Variants in HPSE2 observed in about 807,000 individuals in gnomAD.
The protein encoded by HPSE2 is inactive heparanase-2.
HPSE2 carries 38 observed loss-of-function variants against 60.5 expected under a neutral mutation model. That is an observed-to-expected ratio of 0.63 (90% CI 0.48 to 0.82). The LOEUF (loss-of-function observed/expected upper bound fraction) is 0.82. Ranked by LOEUF, HPSE2 falls within the 40% of genes least tolerant of loss-of-function variation. HPSE2 has a pLI of 0.00. For missense variants in HPSE2, 713 were observed against 740.4 expected (o/e 0.96, Z 0.43); for synonymous variants, 295 against 293.2 (o/e 1.01, Z -0.06).
chr10:98,832,011 C>T (rs879167398), intron 3 of HPSE2, among the ~76,000 whole-genome samples: 3 of 152,136 alleles, frequency 2.0e-5, no homozygotes, highest in Admixed American at 1.3e-4. Flanking sequence ...GTTTGGGGAC[C>T]TCTGTTTCTC....
chr10:99,274,829 A>T, the HPSE2 span, among the ~76,000 whole-genome samples: 1 of 152,256 alleles, frequency 6.6e-6, no homozygotes, highest in Non-Finnish European at 1.5e-5. Context: ...GGAAGTTTTC[A>T]TATAGCATAA....
chr10:99,281,899 T>A, the HPSE2 span, among the ~76,000 whole-genome samples: 2 of 151,896 alleles, frequency 1.3e-5, no homozygotes, highest in Non-Finnish European at 2.9e-5. Context: ...ATGCAAACAG[T>A]AACCAAAAGA....
intron 1 of HPSE2, 130 bp downstream of exon 1, chr10:99,235,383 A>C: frequency 1.2e-6 from 1 of 864,582 alleles, no homozygotes; most frequent in African/African-American, 1.7e-5. Context: ...GAGAAGGAAA[A>C]CCTCTTTTCT....
intron 3 of HPSE2, among the ~76,000 whole-genome samples, chr10:98,960,739 T>A (rs1206310220): frequency 0.015 from 656 of 42,590 alleles, 12 homozygotes; most frequent in African/African-American, 0.07. Flanking sequence ...TTTTTTATTT[T>A]ATTTTTTTTT....
chr10:98,654,945 T>C (rs1315165410), intron 6 of HPSE2, among the ~76,000 whole-genome samples: 1 of 152,174 alleles, frequency 6.6e-6, no homozygotes, highest in Non-Finnish European at 1.5e-5. Context: ...CTTTAGGCTT[T>C]CCTAGTTACT....
At chr10:99,305,133 G>C in the HPSE2 span, among the ~76,000 whole-genome samples, 1 of 152,196 alleles carries the variant, frequency 6.6e-6, no homozygotes, top group African/African-American at 2.4e-5. Flanking sequence ...CTGAAAAATA[G>C]AGAAACTGGT....
intron 6 of HPSE2, among the ~76,000 whole-genome samples, chr10:98,663,046 A>G (rs1947266338): frequency 6.6e-6 from 1 of 152,226 alleles, no homozygotes; most frequent in South Asian, 2.1e-4. Context: ...AGTAAGACTT[A>G]ATATGGGTCA....
chr10:98,844,233 C>T (rs1437469328), intron 3 of HPSE2, among the ~76,000 whole-genome samples: 1 of 152,144 alleles, frequency 6.6e-6, no homozygotes, highest in African/African-American at 2.4e-5. Context: ...GGAAGAGGAG[C>T]TTCCTCAGAA....
intron 3 of HPSE2, among the ~76,000 whole-genome samples, chr10:98,869,186 G>GT (rs1008572454): frequency 2.0e-5 from 3 of 152,062 alleles, no homozygotes; most frequent in South Asian, 4.1e-4. Context: ...TTTTAAGAAA[G>GT]TATCTTAAAG....
intron 9 of HPSE2, among the ~76,000 whole-genome samples, chr10:98,557,161 C>T (rs559898636): frequency 7.9e-5 from 12 of 151,918 alleles, no homozygotes; most frequent in Admixed American, 2.0e-4. Flanking sequence ...TGCAGTGAGC[C>T]GAGATCGCAC....
At chr10:99,287,639 T>C in the HPSE2 span, among the ~76,000 whole-genome samples, 1 of 152,172 alleles carries the variant, frequency 6.6e-6, no homozygotes. Flanking sequence ...GCAGTACACC[T>C]CCAGGATTAT....
At chr10:99,232,999 G>A (rs973165860) in intron 1 of HPSE2, among the ~76,000 whole-genome samples, 1 of 152,272 alleles carries the variant, frequency 6.6e-6, no homozygotes, top group African/African-American at 2.4e-5. Context: ...AAACCTCCGT[G>A]CAGGAGGTGA....
Position 99,167,881 on chromosome 10 carries a change from GTCTC to G in HPSE2, c.449-23486_449-23483del, listed in dbSNP as rs147629381. On this transcript the variant is annotated intron_variant, in intron 2 of 11. Transcript: ENST00000370552. ...GTCTTCTAATCCATGAACACATTTT[GTCTC>G]TCTCTCTCTCTCTCTCATTTGATTT... Among the ~76,000 whole-genome samples the G allele has an allele frequency of 2.2e-3, 324 of 148,418 alleles. 2 individuals are homozygous for G. Among genetic ancestry groups the G allele is most frequent in the African/African-American group, 7.4e-3 (298 of 40,474 alleles).
At position 98,674,922 on chromosome 10, in the gene HPSE2, T is replaced by C. The variant is rs568353630; in HGVS notation, c.1004+18978A>G. ...GGGCGACAGAGAAGAAAATAGCAAA[T>C]TCAAAGAGGCACCACTACATGAATG... On this transcript the variant is annotated intron_variant, in intron 6 of 11. Coordinates refer to ENST00000370552, the MANE Select transcript of HPSE2 (RefSeq NM_021828.5). Among the ~76,000 whole-genome samples, 24 of 152,112 alleles carry C rather than the reference T, an allele frequency of 1.6e-4. No homozygotes were observed. In the South Asian group the frequency reaches 1.7e-3, roughly 11 times the overall value.
At chr10:99,151,798 C>G (rs1476676616) in intron 2 of HPSE2, among the ~76,000 whole-genome samples, 1 of 152,092 alleles carries the variant, frequency 6.6e-6, no homozygotes, top group Non-Finnish European at 1.5e-5. Context: ...CACTTATAAT[C>G]CCAGCTATTC....
At chr10:99,091,169 G>A (rs1316700695) in intron 3 of HPSE2, among the ~76,000 whole-genome samples, 1 of 152,092 alleles carries the variant, frequency 6.6e-6, no homozygotes, top group African/African-American at 2.4e-5. Context: ...TAAACTATTA[G>A]TCCTTAGCAG....
At chr10:98,902,976 T>A (rs1384338567) in intron 3 of HPSE2, among the ~76,000 whole-genome samples, 1 of 152,074 alleles carries the variant, frequency 6.6e-6, no homozygotes, top group Non-Finnish European at 1.5e-5. Flanking sequence ...TTGAACACAA[T>A]GCTTATAGCA....
intron 2 of HPSE2, among the ~76,000 whole-genome samples, chr10:99,166,035 A>T (rs903999073): frequency 1.8e-4 from 28 of 152,172 alleles, no homozygotes; most frequent in African/African-American, 6.8e-4. Flanking sequence ...TCTTTTACAG[A>T]ATGTCATAAC....
chr10:98,635,752 A>G (rs1379298917), intron 7 of HPSE2, among the ~76,000 whole-genome samples: 2 of 149,974 alleles, frequency 1.3e-5, no homozygotes, highest in Non-Finnish European at 3.0e-5. Flanking sequence ...ACTGCACTCC[A>G]GCCTAGGCAA....
Sources: gnomAD v4.1 joint callset for allele counts (sites outside exome capture counted in the v4.1 genomes callset) on GRCh38, gnomAD v4.1.1 for gene constraint, MANE v1.5 for transcripts, NCBI Gene and HGNC (gene_info 2026-07-23, HGNC 2026-07-21) for gene names.